MYH15: variants seen among roughly 807,000 people sequenced by gnomAD.
MYH15 encodes the protein myosin heavy chain 15.
MYH15 carries 227 observed loss-of-function variants against 240.5 expected under a neutral mutation model. That is an observed-to-expected ratio of 0.94 (90% confidence interval 0.85 to 1.05). MYH15 has a LOEUF of 1.05. Ranked by LOEUF, MYH15 falls within the 50% of genes least tolerant of loss-of-function variation. The pLI is 0.00. For missense variants in MYH15, 2,217 were observed against 2,247.5 expected, an observed-to-expected ratio of 0.99 and a Z score of 0.27; for synonymous variants, 785 against 796.7, an observed-to-expected ratio of 0.99 and a Z score of 0.25.
At chr3:108,493,544 G>A (rs762494818) in intron 7 of MYH15, among the ~76,000 whole-genome samples, 1 of 152,102 alleles carries the variant, frequency 6.6e-6, no homozygotes, top group African/African-American at 2.4e-5. Context: ...CAGCATATTT[G>A]TTTATTCATG....
At chr3:108,399,354 C>A in intron 33 of MYH15, 87 bp from the exon 34 acceptor site, 2 of 1,098,918 alleles carry the variant, frequency 1.8e-6, no homozygotes. Context: ...GTACAAGAAA[C>A]AGAAAAAGAA....
intron 6 of MYH15, among the ~76,000 whole-genome samples, chr3:108,496,649 C>A (rs957676528): frequency 3.3e-5 from 5 of 151,392 alleles, no homozygotes; most frequent in Non-Finnish European, 7.4e-5. Flanking sequence ...ATATTATATC[C>A]CTTTTCAGTA....
intron 2 of MYH15, among the ~76,000 whole-genome samples, chr3:108,504,789 C>A (rs1221735245): frequency 1.3e-5 from 2 of 152,158 alleles, no homozygotes; most frequent in African/African-American, 4.8e-5. Context: ...TGTTACCCTG[C>A]TGCTCTGAAT....
At chr3:108,526,918 T>G (rs2083676921) in intron 1 of MYH15, among the ~76,000 whole-genome samples, 1 of 152,176 alleles carries the variant, frequency 6.6e-6, no homozygotes, top group Non-Finnish European at 1.5e-5. Flanking sequence ...TAAAATTTAT[T>G]TACATTTATC....
chr3:108,412,912 A>G (rs6437782), intron 30 of MYH15, among the ~76,000 whole-genome samples: 32,414 of 152,204 alleles, frequency 0.21, 4,344 homozygotes, highest in Non-Finnish European at 0.3. Context: ...AAAGCATAAT[A>G]CAGACAAAGT....
Position 108,433,037 on chromosome 3 carries a change from C to T in MYH15, c.3222-2115G>A, listed in dbSNP as rs1287276293. Among the ~76,000 whole-genome samples the T allele has an allele frequency of 7.9e-5, 12 of 152,166 alleles. 1 individual carries two copies. Among genetic ancestry groups the T allele is most frequent in the Admixed American group, 7.9e-4 (12 of 15,280 alleles). On this transcript the variant is annotated intron_variant, in intron 25 of 40. Transcript: ENST00000693548. ...AGATCCACTGACAGTTTGCACCACG[C>T]ACCTGGAAAAGCTGCAGACATTCAA...
At chr3:108,460,450 A>T in intron 16 of MYH15, 83 bp from the exon 17 acceptor site, 1 of 1,069,316 alleles carries the variant, frequency 9.4e-7, no homozygotes, top group Non-Finnish European at 1.3e-6. Flanking sequence ...TGATGGAAGC[A>T]TAAATTCACC....
intron 1 of MYH15, among the ~76,000 whole-genome samples, chr3:108,528,766 C>T (rs1215129149): frequency 6.6e-6 from 1 of 152,214 alleles, no homozygotes; most frequent in Non-Finnish European, 1.5e-5. Context: ...AGTACTCCAA[C>T]TCATACAGTC....
At chr3:108,397,695 C>T (rs1001758030) in intron 35 of MYH15, among the ~76,000 whole-genome samples, 9 of 152,154 alleles carry the variant, frequency 5.9e-5, no homozygotes, top group African/African-American at 2.2e-4. Flanking sequence ...ATTCTTGCTT[C>T]GTGTCACTTA....
rs539368993 is a variant in MYH15, at chr3:108,438,240, G to A, written c.3076-541C>T. ...TCACATGTCATGATTTCCAAGCCCC[G>A]TCACCACCTTGGTACCCTCTTCCAG... On this transcript the variant is annotated intron_variant, in intron 24 of 40. Transcript: ENST00000693548. Among the ~76,000 whole-genome samples, 5 of 152,114 alleles carry A rather than the reference G, an allele frequency of 3.3e-5. 1 individual carries two copies. The highest frequency in any genetic ancestry group is 9.6e-5 in the African/African-American group (4 of 41,488).
upstream of MYH15, among the ~76,000 whole-genome samples, chr3:108,534,044 T>G (rs1397005861): frequency 2.6e-5 from 4 of 152,352 alleles, no homozygotes; most frequent in African/African-American, 9.6e-5. Context: ...AGAGCTTTTT[T>G]GAAAGATTCC....
upstream of MYH15, among the ~76,000 whole-genome samples, chr3:108,513,961 T>C (rs569980400): frequency 6.6e-6 from 1 of 152,216 alleles, no homozygotes; most frequent in East Asian, 1.9e-4. Flanking sequence ...AAGCCATCCG[T>C]ATCCTGTTTA....
chr3:108,387,187 A>C (rs1444649267), intron 38 of MYH15, among the ~76,000 whole-genome samples: 1 of 152,174 alleles, frequency 6.6e-6, no homozygotes, highest in Non-Finnish European at 1.5e-5. Flanking sequence ...TGACATTTTT[A>C]ATTGCACCTA....
At chr3:108,403,748 A>T (rs1456720) in intron 33 of MYH15, among the ~76,000 whole-genome samples, 91,821 of 151,482 alleles carry the variant, frequency 0.61, 28,909 homozygotes, top group East Asian at 0.99. Context: ...CCTCCAGTCC[A>T]CCCCTTCTTT....
chr3:108,474,664 A>G (rs2083205359), intron 12 of MYH15, among the ~76,000 whole-genome samples: 1 of 152,030 alleles, frequency 6.6e-6, no homozygotes, highest in African/African-American at 2.4e-5. Flanking sequence ...TCTTCTTGCT[A>G]TTTGGGCTCA....
chr3:108,502,493 T>C (rs1223048631), intron 2 of MYH15, among the ~76,000 whole-genome samples: 4 of 152,188 alleles, frequency 2.6e-5, no homozygotes, highest in Admixed American at 1.3e-4. Context: ...AAACTTGCAA[T>C]GCATGTTCAT....
chr3:108,545,883 T>C, the MYH15 span, among the ~76,000 whole-genome samples: 2 of 152,168 alleles, frequency 1.3e-5, no homozygotes, highest in African/African-American at 4.8e-5. Context: ...TACCTTATAC[T>C]GATTAACCAA....
rs1560417803 is a variant in MYH15, at chr3:108,485,165, G to A, written c.1040C>T (p.Ala347Val). Residue 347 changes from alanine (A) to valine (V), a missense_variant, in exon 11 of 41, where the codon GCC (alanine) becomes GTC (valine). Transcript: ENST00000693548. The stretch of plus-strand genomic sequence containing the variant: ...TTTCATATTTCCAAAGTGCATGATG[G>A]CTCCAGTGAGTTTATAGCATCCATA... ...EKYGCYKLTG[A>V]IMHFGNMKFK... 1 of 1,614,012 alleles carries A rather than the reference G, an allele frequency of 6.2e-7. No homozygotes were observed. The highest frequency in any genetic ancestry group is 2.2e-5 in the East Asian group (1 of 44,880).
chr3:108,491,090 G>A (rs1180849645), intron 9 of MYH15, among the ~76,000 whole-genome samples: 2 of 152,054 alleles, frequency 1.3e-5, no homozygotes, highest in African/African-American at 4.8e-5. Context: ...TTTTTACCAT[G>A]TTAGCCAGGC....
Sources: allele counts gnomAD v4.1 joint callset (sites outside exome capture counted in the v4.1 genomes callset), GRCh38; gene constraint gnomAD v4.1.1; transcripts MANE v1.5; gene names NCBI Gene and HGNC (gene_info 2026-07-23, HGNC 2026-07-21).